Variants in EFCAB6 observed in about 807,000 individuals in gnomAD.
The protein encoded by EFCAB6 is EF-hand calcium-binding domain-containing protein 6.
EFCAB6 carries 156 observed loss-of-function variants against 169.8 expected under a neutral mutation model. The ratio of observed to expected loss-of-function variants is 0.92; its 90% CI spans 0.81 to 1.05. The LOEUF (loss-of-function observed/expected upper bound fraction) is 1.05. Among genes scored for constraint, EFCAB6 ranks in the 50% least tolerant of loss-of-function variants. The pLI, the probability that EFCAB6 is intolerant of heterozygous loss-of-function variation, is 0.00. For synonymous variants in EFCAB6, 698 were observed against 676.4 expected (o/e 1.03, Z -0.50); for missense variants, 1,800 against 1,829.1 (o/e 0.98, Z 0.29).
intron 2 of EFCAB6, among the ~76,000 whole-genome samples, chr22:43,789,980 G>GA (rs2062224480): frequency 6.6e-6 from 1 of 152,092 alleles, no homozygotes; most frequent in Admixed American, 6.6e-5. Flanking sequence ...CGAGTATACA[G>GA]AATCAGACTA....
intron 19 of EFCAB6, among the ~76,000 whole-genome samples, chr22:43,629,807 T>A (rs1602732519): frequency 6.6e-6 from 1 of 150,594 alleles, no homozygotes; most frequent in East Asian, 2.0e-4. Context: ...GGGTGAGGGG[T>A]CTTGTGGGCC....
chr22:43,587,202 C>A (rs1272247538), intron 24 of EFCAB6, among the ~76,000 whole-genome samples: 1 of 152,156 alleles, frequency 6.6e-6, no homozygotes, highest in Non-Finnish European at 1.5e-5. Context: ...TCCCTCCCAA[C>A]CCTAATGGAA....
chr22:43,775,920 GC>G (rs2061625566), intron 3 of EFCAB6, among the ~76,000 whole-genome samples: 1 of 152,236 alleles, frequency 6.6e-6, no homozygotes, highest in Non-Finnish European at 1.5e-5. Flanking sequence ...TGTGACATCA[GC>G]CCAGCCTCTG....
intron 2 of EFCAB6, among the ~76,000 whole-genome samples, chr22:43,787,358 A>G (rs1390083361): frequency 1.7e-5 from 2 of 116,464 alleles, no homozygotes; most frequent in Admixed American, 9.9e-5. Flanking sequence ...ATATGCACAC[A>G]CACACACACA....
intron 26 of EFCAB6, among the ~76,000 whole-genome samples, chr22:43,559,206 T>C (rs1046198600): frequency 6.6e-6 from 1 of 152,186 alleles, no homozygotes; most frequent in Non-Finnish European, 1.5e-5. Context: ...GCAAAGGATA[T>C]GAACAGACAC....
chr22:43,722,305 T>A (rs2059561039), intron 8 of EFCAB6, among the ~76,000 whole-genome samples: 1 of 151,922 alleles, frequency 6.6e-6, no homozygotes, highest in East Asian at 1.9e-4. Context: ...GGTGGGCAGA[T>A]CACGAGGTCA....
intron 17 of EFCAB6, among the ~76,000 whole-genome samples, chr22:43,652,879 A>C (rs1018376760): frequency 6.6e-6 from 1 of 152,198 alleles, no homozygotes; most frequent in African/African-American, 2.4e-5. Context: ...CAAAAGAAGA[A>C]AAAAACACAG....
chr22:43,698,100 T>C (rs1448816607), intron 10 of EFCAB6, among the ~76,000 whole-genome samples: 2 of 152,156 alleles, frequency 1.3e-5, no homozygotes, highest in African/African-American at 4.8e-5. Context: ...AACTGCTGCT[T>C]GTTCATGGGC....
At chr22:43,767,063 A>T (rs1291304861) in intron 4 of EFCAB6, among the ~76,000 whole-genome samples, 1 of 152,240 alleles carries the variant, frequency 6.6e-6, no homozygotes, top group Non-Finnish European at 1.5e-5. Flanking sequence ...AACATTAAAT[A>T]AATATACAAT....
At chr22:43,662,394 T>C (rs993210928) in intron 17 of EFCAB6, among the ~76,000 whole-genome samples, 1 of 151,986 alleles carries the variant, frequency 6.6e-6, no homozygotes, top group African/African-American at 2.4e-5. Flanking sequence ...GGGAAGGAGA[T>C]GGCTGGTGGG....
At chr22:43,809,694 A>G (rs960436458) in intron 1 of EFCAB6, among the ~76,000 whole-genome samples, 3 of 151,824 alleles carry the variant, frequency 2.0e-5, no homozygotes, top group Non-Finnish European at 4.4e-5. Context: ...TGCAACCTCC[A>G]CCTCCCAGGT....
chr22:43,648,261 G>A (rs938288305), intron 17 of EFCAB6, among the ~76,000 whole-genome samples: 1 of 152,144 alleles, frequency 6.6e-6, no homozygotes, highest in African/African-American at 2.4e-5. Context: ...CAGTTATTAA[G>A]AAGCAGAGCT....
rs1054109662 is a variant in EFCAB6 at position 43,629,864 on chromosome 22, G to A, written c.2232+2241C>T. Among the ~76,000 whole-genome samples, 6 of 152,150 alleles carry A rather than the reference G, an allele frequency of 3.9e-5. No individual in the cohort carries two copies. In the South Asian group the frequency reaches 1.2e-3, roughly 32 times the overall value. ...ATCCTGAGAGCACAGTGGGCACTCC[G>A]GTCAGAGATGCACATGGATGAGACA... On this transcript the variant is annotated intron_variant, in intron 19 of 31. Coordinates refer to ENST00000262726, the MANE Select transcript of EFCAB6 (RefSeq NM_022785.4).
chr22:43,810,098 C>T (rs905112852), intron 1 of EFCAB6, among the ~76,000 whole-genome samples: 5 of 152,062 alleles, frequency 3.3e-5, no homozygotes, highest in Admixed American at 6.5e-5. Flanking sequence ...GGGCTGGTCT[C>T]GAACTCCTGG....
chr22:43,761,875 T>C (rs2061173788), intron 5 of EFCAB6, among the ~76,000 whole-genome samples: 1 of 152,242 alleles, frequency 6.6e-6, no homozygotes, highest in Admixed American at 6.5e-5. Context: ...CTTTGATAGT[T>C]CCAATATTTC....
At chr22:43,646,635 C>T (rs949392620) in intron 17 of EFCAB6, among the ~76,000 whole-genome samples, 2 of 152,170 alleles carry the variant, frequency 1.3e-5, no homozygotes, top group Non-Finnish European at 2.9e-5. Flanking sequence ...CCCCATCTTA[C>T]ATCGAGTATA....
intron 17 of EFCAB6, among the ~76,000 whole-genome samples, chr22:43,640,878 T>G (rs145521354): frequency 1.3e-3 from 191 of 152,272 alleles, no homozygotes; most frequent in Non-Finnish European, 2.2e-3. Context: ...GAAGCAAAAC[T>G]CCCAGGAATA....
At chr22:43,669,111 C>A in intron 15 of EFCAB6, 66 bp from the exon 16 acceptor site, 1 of 1,391,654 alleles carries the variant, frequency 7.2e-7, no homozygotes, top group Non-Finnish European at 9.5e-7. Context: ...ACTGACCCTG[C>A]CAAGGGTTGG....
At chr22:43,737,985 C>G (rs2060217951) in intron 6 of EFCAB6, among the ~76,000 whole-genome samples, 1 of 150,966 alleles carries the variant, frequency 6.6e-6, no homozygotes, top group African/African-American at 2.4e-5. Context: ...CATATATTCG[C>G]ACATATATTC....
Sources: allele counts gnomAD v4.1 joint callset (sites outside exome capture counted in the v4.1 genomes callset), GRCh38; gene constraint gnomAD v4.1.1; transcripts MANE v1.5; gene names NCBI Gene and HGNC (gene_info 2026-07-23, HGNC 2026-07-21).